The following UNC5D variants were observed in gnomAD, a reference collection of about 807,000 sequenced individuals.
The protein encoded by UNC5D is netrin receptor UNC5D.
A neutral mutation model predicts 105.4 loss-of-function variants in UNC5D; 39 were observed. The observed-to-expected ratio is 0.37, with a 90% confidence interval of 0.29 to 0.48. UNC5D has a LOEUF of 0.48. Ranked by LOEUF, UNC5D falls within the 20% of genes least tolerant of loss-of-function variation. UNC5D has a pLI of 0.98. For missense variants in UNC5D, 991 were observed against 1,202.4 expected, an observed-to-expected ratio of 0.82 and a Z score of 2.60; for synonymous variants, 452 against 450.4, an observed-to-expected ratio of 1.00 and a Z score of -0.04.
Position 35,726,549 on chromosome 8 carries a change from T to C in UNC5D, c.1681+20T>C. 1.9e-6 allele frequency: 3 copies of C among 1,602,872 alleles called. No homozygotes were observed. Among genetic ancestry groups the C allele is most frequent in the Non-Finnish European group, 2.5e-6 (3 of 1,177,230 alleles). ...ATACAGGTGGGTGGTAAGTGTGTGT[T>C]TGTGTATTTTCCATCATTTAAATGT... On this transcript the variant is annotated intron_variant, in intron 10 of 16. Transcript: ENST00000404895.
chr8:35,751,136 CTGGT>C (rs1260048457), intron 13 of UNC5D, among the ~76,000 whole-genome samples: 3 of 152,118 alleles, frequency 2.0e-5, no homozygotes, highest in Non-Finnish European at 4.4e-5. Context: ...GGAGTGCTGA[CTGGT>C]TGCTTCAGAG....
chr8:35,391,805 G>C (rs1243124356), intron 1 of UNC5D, among the ~76,000 whole-genome samples: 1 of 152,202 alleles, frequency 6.6e-6, no homozygotes, highest in Non-Finnish European at 1.5e-5. Context: ...AAAAACTTTG[G>C]TCTGGTGGGC....
chr8:35,269,555 G>A (rs1055118160), intron 1 of UNC5D, among the ~76,000 whole-genome samples: 27 of 152,100 alleles, frequency 1.8e-4, no homozygotes, highest in African/African-American at 4.8e-4. Flanking sequence ...AAGTTTTCTC[G>A]TTTATCTTTC....
chr8:35,613,332 C>T (rs1034341107), intron 4 of UNC5D, among the ~76,000 whole-genome samples: 1 of 152,180 alleles, frequency 6.6e-6, no homozygotes, highest in Non-Finnish European at 1.5e-5. Flanking sequence ...ACCCTGGCCT[C>T]CCCAAGTGCT....
intron 1 of UNC5D, among the ~76,000 whole-genome samples, chr8:35,323,068 T>C (rs915532680): frequency 2.2e-4 from 34 of 152,200 alleles, no homozygotes; most frequent in African/African-American, 7.0e-4. Flanking sequence ...AGTCAGGCAA[T>C]ATTTAGGTGA....
At chr8:35,443,212 T>A (rs1807554529) in intron 1 of UNC5D, among the ~76,000 whole-genome samples, 1 of 151,852 alleles carries the variant, frequency 6.6e-6, no homozygotes, top group East Asian at 1.9e-4. Flanking sequence ...CCAAGAAGGA[T>A]ATTCTGAGAA....
intron 3 of UNC5D, among the ~76,000 whole-genome samples, chr8:35,571,503 C>A (rs1038109371): frequency 6.6e-6 from 1 of 151,516 alleles, no homozygotes; most frequent in Non-Finnish European, 1.5e-5. Context: ...CATTAAAATG[C>A]AAATTGAAAT....
chr8:35,377,389 A>C (rs145681922), intron 1 of UNC5D, among the ~76,000 whole-genome samples: 1 of 152,296 alleles, frequency 6.6e-6, no homozygotes, highest in East Asian at 1.9e-4. Flanking sequence ...TACTGAGCAC[A>C]GCTCTCCTGG....
intron 13 of UNC5D, among the ~76,000 whole-genome samples, 173 bp downstream of exon 13, chr8:35,750,982 A>G (rs1487985601): frequency 6.6e-6 from 1 of 152,140 alleles, no homozygotes; most frequent in East Asian, 1.9e-4. Flanking sequence ...ATTTATCAAG[A>G]CAGAGGAATT....
intron 3 of UNC5D, among the ~76,000 whole-genome samples, chr8:35,584,713 A>G (rs1212302425): frequency 1.3e-5 from 2 of 151,776 alleles, no homozygotes; most frequent in South Asian, 2.1e-4. Context: ...GGCCTCCCCA[A>G]ATCCTGGAAT....
chr8:35,486,720 A>T (rs1248161776), intron 1 of UNC5D, among the ~76,000 whole-genome samples: 2 of 152,188 alleles, frequency 1.3e-5, no homozygotes, highest in African/African-American at 4.8e-5. Context: ...CATGCTTCCC[A>T]TGGATTAGGT....
At chr8:35,293,639 C>G (rs1057170645) in intron 1 of UNC5D, among the ~76,000 whole-genome samples, 2 of 152,170 alleles carry the variant, frequency 1.3e-5, no homozygotes, top group African/African-American at 4.8e-5. Flanking sequence ...ATGATTGACT[C>G]TGTGGTAAAT....
intron 8 of UNC5D, chr8:35,721,529 A>G (rs1586527355): frequency 1.4e-6 from 1 of 702,882 alleles, no homozygotes; most frequent in Non-Finnish European, 2.6e-6. Flanking sequence ...ATAAATTATT[A>G]GAGTCTAGCA....
chr8:35,342,215 G>A (rs921148080), intron 1 of UNC5D, among the ~76,000 whole-genome samples: 5 of 151,994 alleles, frequency 3.3e-5, no homozygotes, highest in Admixed American at 6.6e-5. Context: ...GACCTTTTCC[G>A]TGACCCCAGA....
chr8:35,481,973 C>A, intron 1 of UNC5D, among the ~76,000 whole-genome samples: 1 of 152,112 alleles, frequency 6.6e-6, no homozygotes, highest in Non-Finnish European at 1.5e-5. Context: ...ATTAGAGAGT[C>A]AAAAAGATTC....
chr8:35,443,496 T>G (rs1197340234), intron 1 of UNC5D, among the ~76,000 whole-genome samples: 1 of 151,838 alleles, frequency 6.6e-6, no homozygotes, highest in Non-Finnish European at 1.5e-5. Flanking sequence ...GGCATCATCT[T>G]CTGCTGCTTG....
intron 1 of UNC5D, among the ~76,000 whole-genome samples, chr8:35,290,725 G>A (rs562882865): frequency 4.1e-4 from 63 of 152,210 alleles, no homozygotes; most frequent in Non-Finnish European, 4.3e-4. Context: ...AAGGCGGGCG[G>A]ATCACCTGAG....
rs114406244 is a variant in UNC5D at position 35,616,384 on chromosome 8, A to G, written c.570+20727A>G. 2.9e-3 allele frequency among the ~76,000 whole-genome samples: 445 copies of G among 152,344 alleles called. 4 individuals are homozygous for G. Among genetic ancestry groups the G allele is most frequent in the African/African-American group, 9.9e-3 (412 of 41,578 alleles). On this transcript the variant is annotated intron_variant, in intron 4 of 16. Transcript: ENST00000404895. ...CATACAAAGCTAAGCAGAAGGGAAGAGAATGGCATTTATGAATGTGTGTGT... is the reference window on the plus strand; with the variant it reads ...CATACAAAGCTAAGCAGAAGGGAAGGGAATGGCATTTATGAATGTGTGTGT...
In UNC5D at chr8:35,616,223, T is replaced by C. The variant is rs1404429435; in HGVS notation, c.570+20566T>C. Among the ~76,000 whole-genome samples, 3 of 152,344 alleles carry C rather than the reference T, an allele frequency of 2.0e-5. No individual in the cohort carries two copies. In the East Asian group the frequency reaches 5.8e-4, roughly 29 times the overall value. ...ACCGAGTGATCTGTGCCAATATTTG[T>C]ATCAGACAGCCTGACTTCAGAGCCT... On this transcript the variant is annotated intron_variant, in intron 4 of 16. Transcript: ENST00000404895.
Sources: allele counts gnomAD v4.1 joint callset (sites outside exome capture counted in the v4.1 genomes callset), GRCh38; gene constraint gnomAD v4.1.1; transcripts MANE v1.5; gene names NCBI Gene and HGNC (gene_info 2026-07-23, HGNC 2026-07-21).